The following TBCK variants were observed in gnomAD, a reference collection of about 807,000 sequenced individuals.
TBCK encodes TBC domain-containing protein kinase-like protein.
A neutral mutation model predicts 113.4 loss-of-function variants in TBCK; 99 were observed. The observed-to-expected ratio is 0.87, with a 90% CI of 0.74 to 1.03. The LOEUF (loss-of-function observed/expected upper bound fraction) is 1.03. Among genes scored for constraint, TBCK ranks in the 50% least tolerant of loss-of-function variants. TBCK has a pLI of 0.00. For missense variants in TBCK, 1,045 were observed against 1,061.3 expected (o/e 0.98, Z 0.21); for synonymous variants, 369 against 370.8 (o/e 1.00, Z 0.05).
chr4:106,161,762 T>C (rs370259746), intron 23 of TBCK, among the ~76,000 whole-genome samples: 36 of 151,902 alleles, frequency 2.4e-4, no homozygotes, highest in African/African-American at 8.0e-4. Context: ...TCAAGACATA[T>C]TGCTAAGCAA....
chr4:106,126,437 G>T (rs7693333), intron 23 of TBCK, among the ~76,000 whole-genome samples: 61,427 of 151,834 alleles, frequency 0.4, 12,731 homozygotes, highest in African/African-American at 0.49. Context: ...ATCATCTACT[G>T]TTCATGAGTA....
At chr4:106,218,735 G>A (rs2149930982) in intron 19 of TBCK, among the ~76,000 whole-genome samples, 2 of 118,464 alleles carry the variant, frequency 1.7e-5, no homozygotes, top group South Asian at 3.4e-4. Context: ...TGCTGGAGAG[G>A]ATGTGGAGAA....
chr4:106,148,363 T>C (rs1748079437), intron 23 of TBCK, among the ~76,000 whole-genome samples: 1 of 152,220 alleles, frequency 6.6e-6, no homozygotes, highest in Non-Finnish European at 1.5e-5. Flanking sequence ...TATCGACATG[T>C]GATGTCTCCC....
chr4:106,171,753 G>A (rs1751048657), intron 22 of TBCK, among the ~76,000 whole-genome samples: 1 of 152,072 alleles, frequency 6.6e-6, no homozygotes, highest in Non-Finnish European at 1.5e-5. Flanking sequence ...AAAGTGAACT[G>A]ACAGTTTTAC....
intron 23 of TBCK, among the ~76,000 whole-genome samples, chr4:106,123,355 G>C (rs944295797): frequency 6.6e-6 from 1 of 152,160 alleles, no homozygotes; most frequent in African/African-American, 2.4e-5. Flanking sequence ...ACAAATCACT[G>C]CTCAAGGAAA....
intron 22 of TBCK, among the ~76,000 whole-genome samples, chr4:106,180,903 G>A (rs1752286344): frequency 6.6e-6 from 1 of 152,114 alleles, no homozygotes; most frequent in Non-Finnish European, 1.5e-5. Context: ...ACCCAGTAAT[G>A]GGATTACTGG....
chr4:106,220,526 AG>A (rs1757556160), intron 19 of TBCK, among the ~76,000 whole-genome samples: 1 of 149,516 alleles, frequency 6.7e-6, no homozygotes, highest in African/African-American at 2.5e-5. Context: ...GAAGAGCTTC[AG>A]GGCAAAAAGA....
intron 14 of TBCK, among the ~76,000 whole-genome samples, chr4:106,235,626 T>C (rs1282243564): frequency 9.9e-5 from 15 of 151,970 alleles, no homozygotes; most frequent in Admixed American, 9.9e-4. Flanking sequence ...TCCTCTCTAT[T>C]TGATGCTCTG....
At chr4:106,159,158 G>A (rs766655497) in intron 23 of TBCK, among the ~76,000 whole-genome samples, 2 of 151,806 alleles carry the variant, frequency 1.3e-5, no homozygotes, top group Non-Finnish European at 2.9e-5. Context: ...CACAATAAAA[G>A]TCATATATGA....
At chr4:106,116,014 C>T (rs192525332) in intron 24 of TBCK, among the ~76,000 whole-genome samples, 189 bp downstream of exon 24, 18 of 152,258 alleles carry the variant, frequency 1.2e-4, no homozygotes, top group Admixed American at 9.8e-4. Context: ...ATCATCAGGT[C>T]TCTGGTATGT....
chr4:106,164,580 T>A (rs929994892), intron 23 of TBCK: 1 of 151,896 alleles, frequency 6.6e-6, no homozygotes, highest in African/African-American at 2.4e-5. Context: ...ACAGTACTGA[T>A]AAAATGGCAA....
intron 25 of TBCK, among the ~76,000 whole-genome samples, chr4:106,077,125 G>A (rs1356191960): frequency 6.6e-6 from 1 of 151,874 alleles, no homozygotes; most frequent in Non-Finnish European, 1.5e-5. Context: ...AAAAGCTACG[G>A]GAATCTGATA....
intron 22 of TBCK, among the ~76,000 whole-genome samples, chr4:106,176,443 T>G (rs906080521): frequency 1.3e-5 from 2 of 152,150 alleles, no homozygotes; most frequent in African/African-American, 4.8e-5. Context: ...ATAGTCTTTC[T>G]GTGCCTGGCT....
intron 4 of TBCK, among the ~76,000 whole-genome samples, chr4:106,261,227 T>A: frequency 6.6e-6 from 1 of 152,232 alleles, no homozygotes; most frequent in East Asian, 1.9e-4. Context: ...GATAAGGTAA[T>A]GATTCTTTAC....
At chr4:106,165,231 T>C (rs1171704569) in intron 23 of TBCK, among the ~76,000 whole-genome samples, 1 of 151,782 alleles carries the variant, frequency 6.6e-6, no homozygotes, top group Non-Finnish European at 1.5e-5. Flanking sequence ...TACTTATTAT[T>C]TTCTTCAATT....
intron 23 of TBCK, among the ~76,000 whole-genome samples, chr4:106,132,731 GC>G (rs1237433708): frequency 6.6e-6 from 1 of 152,240 alleles, no homozygotes; most frequent in Non-Finnish European, 1.5e-5. Flanking sequence ...GGGCAGAGCT[GC>G]CCAAGGCTAT....
At chr4:106,157,155 A>G (rs1749225753) in intron 23 of TBCK, among the ~76,000 whole-genome samples, 1 of 151,982 alleles carries the variant, frequency 6.6e-6, no homozygotes, top group African/African-American at 2.4e-5. Context: ...TAGGTCCTGG[A>G]AAGGGGGATT....
chr4:106,308,609 T>A (rs751195212), intron 2 of TBCK, among the ~76,000 whole-genome samples, 159 bp downstream of exon 2: 36 of 152,052 alleles, frequency 2.4e-4, no homozygotes, highest in Non-Finnish European at 3.2e-4. Context: ...AATGGGGAAG[T>A]GTACGAGAGA....
intron 25 of TBCK, among the ~76,000 whole-genome samples, chr4:106,067,760 A>G (rs1401365779): frequency 6.6e-6 from 1 of 152,100 alleles, no homozygotes; most frequent in African/African-American, 2.4e-5. Context: ...ATCTTTTCTC[A>G]CTAAATGGTC....
Sources: gnomAD v4.1 joint callset for allele counts (sites outside exome capture counted in the v4.1 genomes callset) on GRCh38, gnomAD v4.1.1 for gene constraint, MANE v1.5 for transcripts, NCBI Gene and HGNC (gene_info 2026-07-23, HGNC 2026-07-21) for gene names.